GRID2: variants seen among roughly 807,000 people sequenced by gnomAD.
GRID2 encodes the protein glutamate receptor ionotropic, delta-2.
GRID2 carries 33 observed loss-of-function variants against 114.8 expected under a neutral mutation model. The observed-to-expected ratio is 0.29, with a 90% confidence interval of 0.22 to 0.38. The LOEUF is 0.38. Ranked by LOEUF, GRID2 falls within the 10% of genes least tolerant of loss-of-function variation. The pLI is 1.00. For missense variants in GRID2, 1,184 were observed against 1,257.7 expected (o/e 0.94, Z 0.89); for synonymous variants, 505 against 449.9 (o/e 1.12, Z -1.55).
Position 92,438,867 on chromosome 4 carries a change from T to A in GRID2, c.88+134123T>A, listed in dbSNP as rs192776289. ...TCATGTAATATCCCATGAAACAATATCAACATTTGGTTTTCTAGATTATTG... is the reference window on the plus strand; with the variant it reads ...TCATGTAATATCCCATGAAACAATAACAACATTTGGTTTTCTAGATTATTG... On this transcript the variant is annotated intron_variant, in intron 1 of 15. Coordinates refer to ENST00000282020, the MANE Select transcript of GRID2 (RefSeq NM_001510.4). 2.8e-3 allele frequency among the ~76,000 whole-genome samples: 423 copies of A among 152,274 alleles called. 3 individuals are homozygous for A. Among genetic ancestry groups the A allele is most frequent in the Admixed American group, 4.8e-3 (74 of 15,292 alleles).
chr4:92,892,324 T>A (rs1560674950), intron 2 of GRID2, among the ~76,000 whole-genome samples: 2 of 152,184 alleles, frequency 1.3e-5, no homozygotes, highest in Admixed American at 1.3e-4. Context: ...AGGGAACTTA[T>A]TCTGGGGTAA....
intron 1 of GRID2, among the ~76,000 whole-genome samples, chr4:93,797,982 G>A (rs913713346): frequency 3.3e-5 from 5 of 151,686 alleles, no homozygotes; most frequent in Non-Finnish European, 5.9e-5. Context: ...TCAAAACCCC[G>A]TCTCTACTAA....
intron 14 of GRID2, 57 bp downstream of exon 14, chr4:93,626,492 C>A (rs1192747146): frequency 8.9e-7 from 1 of 1,126,818 alleles, no homozygotes; most frequent in African/African-American, 1.6e-5. Flanking sequence ...AAAGAATATC[C>A]ATTTGGTTAC....
At chr4:92,486,330 C>T (rs1277761792) in intron 1 of GRID2, among the ~76,000 whole-genome samples, 1 of 151,520 alleles carries the variant, frequency 6.6e-6, no homozygotes, top group Non-Finnish European at 1.5e-5. Flanking sequence ...TAAAGGGGTA[C>T]ATCATTCATA....
chr4:93,155,039 C>T (rs762347176), intron 4 of GRID2, among the ~76,000 whole-genome samples: 2 of 151,938 alleles, frequency 1.3e-5, no homozygotes, highest in African/African-American at 4.8e-5. Flanking sequence ...AGATTACCTA[C>T]ATAGAGGCTC....
intron 4 of GRID2, among the ~76,000 whole-genome samples, chr4:93,144,299 T>C (rs1736012012): frequency 6.6e-6 from 1 of 152,232 alleles, no homozygotes; most frequent in Non-Finnish European, 1.5e-5. Context: ...GCTAAATTCT[T>C]TATGTGCATA....
chr4:93,357,680 G>A (rs1211172071), intron 8 of GRID2, among the ~76,000 whole-genome samples: 1 of 151,306 alleles, frequency 6.6e-6, no homozygotes, highest in East Asian at 1.9e-4. Context: ...TTATTTTGCA[G>A]CAATATAGTT....
At chr4:92,394,023 T>C (rs1199482690) in intron 1 of GRID2, among the ~76,000 whole-genome samples, 1 of 152,132 alleles carries the variant, frequency 6.6e-6, no homozygotes, top group East Asian at 1.9e-4. Flanking sequence ...ATTAGGAAGC[T>C]AAGCAAAGGG....
At chr4:92,734,019 T>G (rs1736463538) in intron 2 of GRID2, among the ~76,000 whole-genome samples, 1 of 152,134 alleles carries the variant, frequency 6.6e-6, no homozygotes, top group African/African-American at 2.4e-5. Context: ...AGCTCCATCC[T>G]AAACTTGCAG....
chr4:93,163,396 A>AGTG (rs1737924498), intron 4 of GRID2, among the ~76,000 whole-genome samples: 2 of 41,832 alleles, frequency 4.8e-5, no homozygotes, highest in African/African-American at 1.8e-4. Flanking sequence ...ATATATATAT[A>AGTG]TATACACTAT....
chr4:92,937,489 A>T (rs1424998782), intron 2 of GRID2, among the ~76,000 whole-genome samples: 1 of 146,592 alleles, frequency 6.8e-6, no homozygotes. Context: ...GTCAACAACC[A>T]GTTGACCATA....
chr4:93,128,554 A>C (rs1039182887), intron 4 of GRID2, among the ~76,000 whole-genome samples: 1 of 152,154 alleles, frequency 6.6e-6, no homozygotes, highest in East Asian at 1.9e-4. Flanking sequence ...AATCTAAGAG[A>C]TCCAATTTGT....
In GRID2 at chr4:93,135,188, G is replaced by C. The variant is rs183418350; in HGVS notation, c.735+24235G>C. Reference sequence around the variant, plus strand: ...ATAACACATTAGTAAAATGTTCGGTGAAGTCTTAAAACAACTGCTTTTAAT... The same window carrying C: ...ATAACACATTAGTAAAATGTTCGGTCAAGTCTTAAAACAACTGCTTTTAAT... On this transcript the variant is annotated intron_variant, in intron 4 of 15. Transcript: ENST00000282020. 5.9e-5 allele frequency among the ~76,000 whole-genome samples: 9 copies of C among 152,270 alleles called. No individual in the cohort carries two copies. The East Asian group carries it at 1.7e-3, about 29-fold the overall frequency.
chr4:93,078,548 AATAAAAAG>A (rs1729547153), intron 2 of GRID2, among the ~76,000 whole-genome samples: 1 of 150,824 alleles, frequency 6.6e-6, no homozygotes, highest in South Asian at 2.1e-4. Context: ...TTGTTACTAA[AATAAAAAG>A]ATAAAAAGAT....
chr4:93,053,099 A>G (rs1044511329), intron 2 of GRID2, among the ~76,000 whole-genome samples: 6 of 151,840 alleles, frequency 4.0e-5, no homozygotes, highest in African/African-American at 1.2e-4. Context: ...CTCCCACTCT[A>G]CTATTACTGA....
intron 2 of GRID2, among the ~76,000 whole-genome samples, chr4:92,994,301 C>T (rs1755071337): frequency 6.6e-6 from 1 of 152,010 alleles, no homozygotes; most frequent in Non-Finnish European, 1.5e-5. Flanking sequence ...ACAACAAATC[C>T]TTAGAATCAT....
intron 2 of GRID2, among the ~76,000 whole-genome samples, chr4:92,745,491 G>A (rs1293084230): frequency 6.6e-6 from 1 of 151,914 alleles, no homozygotes; most frequent in Non-Finnish European, 1.5e-5. Flanking sequence ...CTAAATATTA[G>A]GGAGCAGGAC....
chr4:93,336,366 T>A (rs1759088697), intron 8 of GRID2, among the ~76,000 whole-genome samples: 1 of 152,210 alleles, frequency 6.6e-6, no homozygotes, highest in African/African-American at 2.4e-5. Flanking sequence ...TAGCTCTATT[T>A]CAGTCATGTT....
intron 2 of GRID2, among the ~76,000 whole-genome samples, chr4:92,697,528 T>A (rs1734476578): frequency 6.6e-6 from 1 of 152,170 alleles, no homozygotes; most frequent in Admixed American, 6.6e-5. Flanking sequence ...AAGAGATAAC[T>A]GGCATGACCA....
Sources: allele counts gnomAD v4.1 joint callset (sites outside exome capture counted in the v4.1 genomes callset), GRCh38; gene constraint gnomAD v4.1.1; transcripts MANE v1.5; gene names NCBI Gene and HGNC (gene_info 2026-07-23, HGNC 2026-07-21).